The following MMS22L variants were observed in gnomAD, a reference collection of about 807,000 sequenced individuals.
MMS22L encodes protein MMS22-like.
Under a neutral mutation model 159.1 loss-of-function variants are expected in MMS22L, and 74 were observed. The ratio of observed to expected loss-of-function variants is 0.47; its 90% CI spans 0.39 to 0.56. The LOEUF is 0.56. Ranked by LOEUF, MMS22L falls within the 20% of genes least tolerant of loss-of-function variation. The probability of loss-of-function intolerance (pLI) is 0.00; values close to 1 mark genes in which losing one functional copy is unlikely to be tolerated. For missense variants in MMS22L, 1,351 were observed against 1,422.1 expected (o/e 0.95, Z 0.80); for synonymous variants, 517 against 506.9 (o/e 1.02, Z -0.27).
chr6:97,204,937 C>CTTTTTT (rs1222516541), intron 14 of MMS22L, among the ~76,000 whole-genome samples: 60 of 52,370 alleles, frequency 1.1e-3, no homozygotes, highest in East Asian at 2.6e-3. Flanking sequence ...TGTACAGTGT[C>CTTTTTT]TTTTTTTTTT....
intron 14 of MMS22L, among the ~76,000 whole-genome samples, chr6:97,186,918 T>G (rs1393233453): frequency 2.0e-5 from 3 of 152,202 alleles, no homozygotes; most frequent in African/African-American, 7.2e-5. Flanking sequence ...AATTATATGC[T>G]TTTTAATATG....
At chr6:97,270,510 A>G (rs1469271561) in intron 6 of MMS22L, 5 of 278,594 alleles carry the variant, frequency 1.8e-5, no homozygotes, top group Non-Finnish European at 7.1e-6. Flanking sequence ...TTCAAACTCA[A>G]TTCTACCTGA....
At chr6:97,187,571 A>G (rs1805384458) in intron 14 of MMS22L, among the ~76,000 whole-genome samples, 2 of 152,100 alleles carry the variant, frequency 1.3e-5, no homozygotes, top group African/African-American at 4.8e-5. Flanking sequence ...ATACATTTAC[A>G]TTTGCATTTT....
chr6:97,236,818 G>A (rs767696029), intron 11 of MMS22L, among the ~76,000 whole-genome samples: 3 of 152,064 alleles, frequency 2.0e-5, no homozygotes, highest in Non-Finnish European at 4.4e-5. Context: ...GGTCATGGTG[G>A]CGGGTGCCTG....
chr6:97,156,604 GT>G (rs1801875290), intron 22 of MMS22L, among the ~76,000 whole-genome samples: 1 of 152,130 alleles, frequency 6.6e-6, no homozygotes, highest in South Asian at 2.1e-4. Context: ...TGTCAGGTTT[GT>G]CAAAGATCAG....
Position 97,263,346 on chromosome 6 carries a change from A to C in MMS22L, c.931T>G (p.Phe311Val). The change falls in exon 9 of 25, where the codon TTT (phenylalanine) becomes GTT (valine). Residue 311 changes from phenylalanine to valine, a missense_variant. Transcript: ENST00000683635. Reference sequence around the variant, plus strand: ...ATTTTCCAACTTACTTCCGAGACAAACCATTTACTTCTGTGGTCTAGAAGA... The same window carrying C: ...ATTTTCCAACTTACTTCCGAGACAACCCATTTACTTCTGTGGTCTAGAAGA... ...IHLLDHRSKWFVSESFWNWLN... is the reference protein window; with the variant it reads ...IHLLDHRSKWVVSESFWNWLN... The C allele has an allele frequency of 6.3e-7, 1 of 1,582,038 alleles. No homozygotes were observed. The highest frequency in any genetic ancestry group is 1.2e-5 in the South Asian group (1 of 85,590).
intron 13 of MMS22L, 23 bp downstream of exon 13, chr6:97,231,403 A>T (rs1291007076): frequency 2.0e-6 from 3 of 1,531,960 alleles, no homozygotes; most frequent in Non-Finnish European, 2.7e-6. Flanking sequence ...GTGCACACTC[A>T]TGACAGAAGA....
At chr6:97,181,506 A>T (rs1375338349) in intron 16 of MMS22L, among the ~76,000 whole-genome samples, 1 of 152,176 alleles carries the variant, frequency 6.6e-6, no homozygotes, top group African/African-American at 2.4e-5. Flanking sequence ...GTGAGTTAAC[A>T]GTTAAAAATC....
chr6:97,171,098 T>C (rs1438338646), intron 19 of MMS22L, among the ~76,000 whole-genome samples: 1 of 152,208 alleles, frequency 6.6e-6, no homozygotes, highest in Non-Finnish European at 1.5e-5. Flanking sequence ...TAAATATTTA[T>C]ATAGTATACA....
rs189495885 is a variant in MMS22L, at chr6:97,268,369, T to A, written c.698-367A>T. On this transcript the variant is annotated intron_variant, in intron 7 of 24. Transcript: ENST00000683635. The stretch of plus-strand genomic sequence containing the variant: ...CTGGCTAATTCTGTTTTTGTATTTT[T>A]AGTAGAGACGGGGTTTCACCGTGTT... Among the ~76,000 whole-genome samples the A allele has an allele frequency of 1.1e-4, 17 of 152,156 alleles. No individual in the cohort carries two copies. The East Asian group carries it at 2.1e-3, about 19-fold the overall frequency.
intron 10 of MMS22L, among the ~76,000 whole-genome samples, chr6:97,247,980 G>A (rs981175386): frequency 1.3e-5 from 2 of 152,160 alleles, no homozygotes; most frequent in South Asian, 4.1e-4. Context: ...CAGTGAGTAT[G>A]GTAGTCAGCC....
intron 11 of MMS22L, among the ~76,000 whole-genome samples, chr6:97,243,433 ATTG>A (rs931025088): frequency 6.6e-6 from 1 of 151,778 alleles, no homozygotes; most frequent in African/African-American, 2.4e-5. Flanking sequence ...AGAAGTTGTG[ATTG>A]TTTTTTATTT....
chr6:97,223,310 A>G (rs1410096019), intron 14 of MMS22L, among the ~76,000 whole-genome samples: 1 of 144,886 alleles, frequency 6.9e-6, no homozygotes, highest in African/African-American at 2.5e-5. Flanking sequence ...TTCCCACCTG[A>G]ATTTGAAAAC....
intron 14 of MMS22L, among the ~76,000 whole-genome samples, chr6:97,204,950 T>G (rs1807611796): frequency 7.5e-6 from 1 of 133,902 alleles, no homozygotes. Context: ...TTTTTTTTTT[T>G]TTTTTTTTTT....
intron 10 of MMS22L, among the ~76,000 whole-genome samples, chr6:97,253,250 T>C (rs1230356255): frequency 6.6e-6 from 1 of 152,160 alleles, no homozygotes; most frequent in East Asian, 1.9e-4. Context: ...ATATTAATAC[T>C]AACTAACCCT....
At chr6:97,165,612 C>T (rs868095112) in intron 20 of MMS22L, among the ~76,000 whole-genome samples, 155 bp from the exon 21 acceptor site, 1 of 152,000 alleles carries the variant, frequency 6.6e-6, no homozygotes, top group South Asian at 2.1e-4. Context: ...AATGTACATA[C>T]GAATTACAAG....
intron 23 of MMS22L, among the ~76,000 whole-genome samples, chr6:97,151,208 G>A (rs1801284442): frequency 6.6e-6 from 1 of 152,174 alleles, no homozygotes; most frequent in Admixed American, 6.5e-5. Context: ...ATGACAGATA[G>A]CATGTACAAT....
At chr6:97,270,419 A>T in intron 6 of MMS22L, 2 of 357,482 alleles carry the variant, frequency 5.6e-6, no homozygotes, top group Middle Eastern at 1.0e-3. Flanking sequence ...TTAGACTGTC[A>T]TGTAGACATT....
intron 14 of MMS22L, among the ~76,000 whole-genome samples, chr6:97,220,358 C>T (rs4839901): frequency 6.6e-6 from 1 of 152,092 alleles, no homozygotes; most frequent in African/African-American, 2.4e-5. Flanking sequence ...TAGAGTGTCA[C>T]TAAAAGTTTC....
Sources: gnomAD v4.1 joint callset for allele counts (sites outside exome capture counted in the v4.1 genomes callset) on GRCh38, gnomAD v4.1.1 for gene constraint, MANE v1.5 for transcripts, NCBI Gene and HGNC (gene_info 2026-07-23, HGNC 2026-07-21) for gene names.